The following EPB41L3 variants were observed in gnomAD, a reference collection of about 807,000 sequenced individuals.
EPB41L3 encodes the protein erythrocyte membrane protein band 4.1 like 3.
Under a neutral mutation model 127.1 loss-of-function variants are expected in EPB41L3, and 57 were observed. The observed-to-expected ratio is 0.45, with a 90% CI of 0.36 to 0.56. The LOEUF (loss-of-function observed/expected upper bound fraction) is 0.56, where lower values mean the gene tolerates loss of function less well. EPB41L3 is among the 20% of genes least tolerant of loss of function. The probability of loss-of-function intolerance (pLI) is 0.00; values close to 1 mark genes in which losing one functional copy is unlikely to be tolerated. For synonymous variants in EPB41L3, 572 were observed against 549.5 expected, an observed-to-expected ratio of 1.04 and a Z score of -0.57; for missense variants, 1,273 against 1,372.2, an observed-to-expected ratio of 0.93 and a Z score of 1.14.
chr18:5,441,869 T>C (rs1303840839), intron 5 of EPB41L3, among the ~76,000 whole-genome samples: 2 of 152,210 alleles, frequency 1.3e-5, no homozygotes, highest in Non-Finnish European at 2.9e-5. Flanking sequence ...ATCTGCATGA[T>C]AAAAAAATCT....
intron 3 of EPB41L3, among the ~76,000 whole-genome samples, chr18:5,589,681 G>T (rs1885803173): frequency 6.6e-6 from 1 of 152,060 alleles, no homozygotes; most frequent in African/African-American, 2.4e-5. Context: ...TCTAAATTTT[G>T]CCAATATTTT....
upstream of EPB41L3, chr18:5,544,404 C>T: frequency 5.0e-6 from 4 of 801,266 alleles, no homozygotes; most frequent in Non-Finnish European, 6.0e-6. Context: ...CTAGGGACTG[C>T]AGTATTTTTT....
intron 16 of EPB41L3, among the ~76,000 whole-genome samples, chr18:5,403,961 C>G (rs1005303930): frequency 1.3e-5 from 2 of 152,072 alleles, no homozygotes; most frequent in Admixed American, 1.3e-4. Context: ...TTTTCACACA[C>G]AAAAATAACA....
chr18:5,528,956 A>C (rs1265360042), intron 1 of EPB41L3: 1 of 152,194 alleles, frequency 6.6e-6, no homozygotes, highest in African/African-American at 2.4e-5. Context: ...CTTACCTTTG[A>C]GTAATGGTCA....
chr18:5,430,351 G>A (rs565887204), intron 8 of EPB41L3, among the ~76,000 whole-genome samples: 4 of 152,108 alleles, frequency 2.6e-5, no homozygotes, highest in Admixed American at 6.5e-5. Flanking sequence ...GTAATCTCAC[G>A]GCCAGCGCAC....
chr18:5,433,662 A>G, intron 7 of EPB41L3, 106 bp from the exon 8 acceptor site: 1 of 987,360 alleles, frequency 1.0e-6, no homozygotes. Context: ...CTATGGAGGC[A>G]CCAGCAGATA....
rs1354405956 is a variant in EPB41L3 at position 5,517,441 on chromosome 18, G to GT, written c.-12+26471dup. 2.0e-5 allele frequency among the ~76,000 whole-genome samples: 3 copies of GT among 151,896 alleles called. 1 individual carries two copies. Among genetic ancestry groups the GT allele is most frequent in the African/African-American group, 4.8e-5 (2 of 41,356 alleles). ...AATAAATAAAAAGGACATTTATTAT[G>GT]TTTTTTTCTTTTTGAGATGGAGTCT... is the stretch of plus-strand genomic sequence containing the variant. On this transcript the variant is annotated intron_variant, in intron 1 of 22. Coordinates refer to ENST00000341928, the MANE Select transcript of EPB41L3 (RefSeq NM_012307.5).
chr18:5,406,317 A>C (rs553854329), intron 16 of EPB41L3, among the ~76,000 whole-genome samples: 34 of 152,286 alleles, frequency 2.2e-4, no homozygotes, highest in African/African-American at 8.2e-4. Context: ...AAAATCAAAT[A>C]AAACTCTTGT....
intron 3 of EPB41L3, among the ~76,000 whole-genome samples, chr18:5,454,905 C>A (rs1157643620): frequency 1.3e-5 from 2 of 152,206 alleles, no homozygotes; most frequent in African/African-American, 4.8e-5. Flanking sequence ...GATATTCCTA[C>A]CCACTGAAAG....
intron 3 of EPB41L3, among the ~76,000 whole-genome samples, chr18:5,604,750 G>A (rs11663020): frequency 0.45 from 68,657 of 151,926 alleles, 16,621 homozygotes; most frequent in Middle Eastern, 0.58. Flanking sequence ...TACTGTGCCC[G>A]GCCTTAAAAA....
intron 3 of EPB41L3, among the ~76,000 whole-genome samples, chr18:5,561,206 T>G (rs1255979834): frequency 6.6e-6 from 1 of 151,990 alleles, no homozygotes; most frequent in Non-Finnish European, 1.5e-5. Context: ...CAAGATCTCC[T>G]GACCTCGTGA....
At chr18:5,535,293 A>C (rs1215666991) in intron 1 of EPB41L3, among the ~76,000 whole-genome samples, 1 of 152,104 alleles carries the variant, frequency 6.6e-6, no homozygotes. Context: ...CTTGGTGCTA[A>C]AAAGGTTGGG....
intron 3 of EPB41L3, among the ~76,000 whole-genome samples, chr18:5,446,904 G>A (rs185648875): frequency 2.4e-4 from 37 of 152,212 alleles, no homozygotes; most frequent in African/African-American, 8.9e-4. Flanking sequence ...ATAAATAACA[G>A]CATATTATTT....
At chr18:5,588,498 G>A (rs967603218) in intron 3 of EPB41L3, among the ~76,000 whole-genome samples, 1 of 150,226 alleles carries the variant, frequency 6.7e-6, no homozygotes, top group Non-Finnish European at 1.5e-5. Context: ...ATAAATATGT[G>A]TATATATTTA....
intron 1 of EPB41L3, among the ~76,000 whole-genome samples, chr18:5,525,644 A>G (rs531616632): frequency 2.4e-4 from 37 of 152,316 alleles, no homozygotes; most frequent in Admixed American, 2.0e-3. Flanking sequence ...ATTATAACAC[A>G]TATGATTATT....
intron 1 of EPB41L3, among the ~76,000 whole-genome samples, chr18:5,498,204 T>A (rs2091358840): frequency 6.6e-6 from 1 of 152,112 alleles, no homozygotes. Context: ...ACAAAACTGC[T>A]AAAAAAAATT....
At chr18:5,571,105 G>A (rs901064101) in intron 3 of EPB41L3, among the ~76,000 whole-genome samples, 8 of 152,178 alleles carry the variant, frequency 5.3e-5, no homozygotes, top group Non-Finnish European at 1.0e-4. Flanking sequence ...GAAGGTTAAA[G>A]TGAAAAACTG....
intron 8 of EPB41L3, among the ~76,000 whole-genome samples, chr18:5,430,752 C>G (rs559410568): frequency 6.7e-6 from 1 of 150,066 alleles, no homozygotes; most frequent in African/African-American, 2.5e-5. Flanking sequence ...TGGTAGAGAT[C>G]GGGTTCTGCT....
chr18:5,580,512 A>G (rs1435686251), intron 3 of EPB41L3, among the ~76,000 whole-genome samples: 1 of 152,222 alleles, frequency 6.6e-6, no homozygotes. Context: ...ATGTATATAT[A>G]CATATTCACA....
Sources: allele counts gnomAD v4.1 joint callset (sites outside exome capture counted in the v4.1 genomes callset), GRCh38; gene constraint gnomAD v4.1.1; transcripts MANE v1.5; gene names NCBI Gene and HGNC (gene_info 2026-07-23, HGNC 2026-07-21).